The following SLC24A2 variants were observed in gnomAD, a reference collection of about 807,000 sequenced individuals.
SLC24A2 encodes sodium/potassium/calcium exchanger 2.
Under a neutral mutation model 62.0 loss-of-function variants are expected in SLC24A2, and 36 were observed. The observed-to-expected ratio is 0.58, with a 90% CI of 0.44 to 0.77. The LOEUF is 0.77. SLC24A2 is among the 30% of genes least tolerant of loss of function. The pLI, the probability that SLC24A2 is intolerant of heterozygous loss-of-function variation, is 0.00. For missense variants in SLC24A2, 846 were observed against 817.9 expected (o/e 1.03, Z -0.42); for synonymous variants, 358 against 294.0 (o/e 1.22, Z -2.23).
chr9:19,804,179 T>G, the SLC24A2 span, among the ~76,000 whole-genome samples: 1 of 152,190 alleles, frequency 6.6e-6, no homozygotes, highest in South Asian at 2.1e-4. Flanking sequence ...GCTGGGATTC[T>G]GATAGAAATT....
intron 7 of SLC24A2, among the ~76,000 whole-genome samples, chr9:19,566,052 T>A (rs1008816740): frequency 2.0e-5 from 3 of 152,168 alleles, no homozygotes; most frequent in Non-Finnish European, 4.4e-5. Flanking sequence ...GACATAGGCA[T>A]GGGCAAGGAC....
intron 8 of SLC24A2, among the ~76,000 whole-genome samples, chr9:19,546,076 C>T (rs1834551914): frequency 1.3e-5 from 2 of 152,314 alleles, no homozygotes; most frequent in African/African-American, 4.8e-5. Context: ...CCTCTGGAAC[C>T]TTTGTCTCAT....
At chr9:19,837,442 G>T in the SLC24A2 span, among the ~76,000 whole-genome samples, 6 of 108,304 alleles carry the variant, frequency 5.5e-5, no homozygotes, top group Non-Finnish European at 1.0e-4. Context: ...CTGGGCGACA[G>T]AGCGAGACTC....
At chr9:19,563,237 C>T (rs951505766) in intron 7 of SLC24A2, among the ~76,000 whole-genome samples, 2 of 152,088 alleles carry the variant, frequency 1.3e-5, no homozygotes, top group African/African-American at 2.4e-5. Flanking sequence ...TACACACACA[C>T]CGCTTTTCAC....
rs1832873857 is a variant in SLC24A2 at position 19,515,095 on chromosome 9, T to A, written c.*1058A>T. On this transcript the variant is annotated 3_prime_UTR_variant, in exon 11 of 11. Coordinates refer to ENST00000341998, the MANE Select transcript of SLC24A2 (RefSeq NM_020344.4). Reference sequence around the variant, plus strand: ...GCATCAAAATATATCTACATGACAATCACAGCTAAACTTACCCCTCTTCTT... The same window carrying A: ...GCATCAAAATATATCTACATGACAAACACAGCTAAACTTACCCCTCTTCTT... 2.0e-5 allele frequency: 3 copies of A among 152,192 alleles called. No individual in the cohort carries two copies. The highest frequency in any genetic ancestry group is 6.8e-3 in the Middle Eastern group (2 of 294). The allele number at this position is 152,192 out of a possible 1,614,324, so 9.4% of individuals were successfully genotyped here.
chr9:19,847,510 A>G, the SLC24A2 span, among the ~76,000 whole-genome samples: 3 of 152,176 alleles, frequency 2.0e-5, no homozygotes, highest in Non-Finnish European at 4.4e-5. Flanking sequence ...TCTCTTTTAA[A>G]TGTTAAAGAA....
chr9:19,735,123 C>G (rs1267847856), intron 2 of SLC24A2, among the ~76,000 whole-genome samples: 1 of 151,890 alleles, frequency 6.6e-6, no homozygotes, highest in African/African-American at 2.4e-5. Flanking sequence ...TGACAATGGG[C>G]TGATATCCAG....
chr9:20,098,963 T>TA, the SLC24A2 span, among the ~76,000 whole-genome samples: 4 of 152,170 alleles, frequency 2.6e-5, no homozygotes, highest in African/African-American at 9.7e-5. Context: ...ATACACAACT[T>TA]ACTGAAAAGA....
At chr9:20,068,968 ACATCTC>A in the SLC24A2 span, among the ~76,000 whole-genome samples, 305 of 152,316 alleles carry the variant, frequency 2.0e-3, no homozygotes, top group African/African-American at 6.9e-3. Context: ...AGCTGATTAG[ACATCTC>A]CATTGGATAT....
At chr9:19,934,691 G>C in the SLC24A2 span, among the ~76,000 whole-genome samples, 1 of 152,224 alleles carries the variant, frequency 6.6e-6, no homozygotes, top group African/African-American at 2.4e-5. This position sits in a 1 kb window ranked among gnomAD's most constrained non-coding sequence, Gnocchi z 4.1. Flanking sequence ...TCGCGGCGAA[G>C]AGCTTTCCGA....
At chr9:19,869,101 C>T in the SLC24A2 span, among the ~76,000 whole-genome samples, 1 of 152,182 alleles carries the variant, frequency 6.6e-6, no homozygotes, top group East Asian at 1.9e-4. Flanking sequence ...CTGGCCTCAG[C>T]CTCCCAAGTA....
intron 2 of SLC24A2, among the ~76,000 whole-genome samples, chr9:19,654,267 T>A (rs950651601): frequency 6.6e-6 from 1 of 152,188 alleles, no homozygotes; most frequent in African/African-American, 2.4e-5. Context: ...TGAATAAGCA[T>A]GAGTTTGTAC....
chr9:20,091,020 A>AT, the SLC24A2 span, among the ~76,000 whole-genome samples: 1 of 152,166 alleles, frequency 6.6e-6, no homozygotes, highest in East Asian at 1.9e-4. Context: ...AACTGATCTG[A>AT]CAGAGATGAA....
At chr9:20,161,561 T>G in the SLC24A2 span, among the ~76,000 whole-genome samples, 2 of 151,396 alleles carry the variant, frequency 1.3e-5, no homozygotes, top group Non-Finnish European at 3.0e-5. Flanking sequence ...GATGAAAGGA[T>G]GGTTCAATAT....
the SLC24A2 span, among the ~76,000 whole-genome samples, chr9:19,835,846 T>C: frequency 7.2e-5 from 11 of 152,078 alleles, no homozygotes; most frequent in Admixed American, 1.3e-4. Flanking sequence ...CCTCAGCAAA[T>C]GTGAAAGAAC....
chr9:19,572,380 A>T (rs185589866), intron 7 of SLC24A2, among the ~76,000 whole-genome samples: 1 of 152,068 alleles, frequency 6.6e-6, no homozygotes, highest in Non-Finnish European at 1.5e-5. Context: ...TCTCATCTCA[A>T]ATTGTAATCC....
the SLC24A2 span, among the ~76,000 whole-genome samples, chr9:20,239,781 A>C: frequency 6.6e-6 from 1 of 152,246 alleles, no homozygotes; most frequent in East Asian, 1.9e-4. Context: ...CATGCTTAAC[A>C]CATAGTAGCA....
chr9:19,807,704 T>C, the SLC24A2 span, among the ~76,000 whole-genome samples: 1 of 152,222 alleles, frequency 6.6e-6, no homozygotes. Context: ...TTCTACATTA[T>C]GGCTTTTGGA....
the SLC24A2 span, among the ~76,000 whole-genome samples, chr9:20,180,186 C>T: frequency 4.6e-5 from 7 of 152,206 alleles, no homozygotes; most frequent in Non-Finnish European, 1.0e-4. Flanking sequence ...TACTTAACTC[C>T]TCTATGATTT....
Sources: allele counts gnomAD v4.1 joint callset (sites outside exome capture counted in the v4.1 genomes callset), GRCh38; gene constraint gnomAD v4.1.1; non-coding constraint Gnocchi (gnomAD v3.1); transcripts MANE v1.5; gene names NCBI Gene and HGNC (gene_info 2026-07-23, HGNC 2026-07-21).